Variants in ARID1B observed in about 807,000 individuals in gnomAD.
The protein encoded by ARID1B is AT-rich interaction domain 1B, also known as AT-rich interactive domain-containing protein 1B.
ARID1B carries 30 observed loss-of-function variants against 212.3 expected under a neutral mutation model. That is an observed-to-expected ratio of 0.14 (90% CI 0.11 to 0.19). The LOEUF is 0.19. ARID1B is among the 10% of genes least tolerant of loss of function. ARID1B has a pLI of 1.00. For synonymous variants in ARID1B, 1,402 were observed against 1,301.7 expected, an observed-to-expected ratio of 1.08 and a Z score of -1.66; for missense variants, 2,891 against 3,204.0, an observed-to-expected ratio of 0.90 and a Z score of 2.36.
chr6:156,866,293 A>G (rs539655910), intron 2 of ARID1B, among the ~76,000 whole-genome samples: 6 of 152,118 alleles, frequency 3.9e-5, no homozygotes, highest in Non-Finnish European at 2.9e-5. Context: ...GCCAGGGTGA[A>G]GGAGGAGCTG....
intron 2 of ARID1B, among the ~76,000 whole-genome samples, chr6:156,869,339 A>G (rs1265753626): frequency 6.6e-6 from 1 of 152,196 alleles, no homozygotes; most frequent in Non-Finnish European, 1.5e-5. Flanking sequence ...CTGTTGCCTC[A>G]ACATCTGGCC....
At chr6:156,941,342 C>CA (rs1220089221) in intron 4 of ARID1B, 1 of 152,168 alleles carries the variant, frequency 6.6e-6, no homozygotes, top group East Asian at 1.9e-4. Flanking sequence ...TGCATCGTTT[C>CA]AAAACCAAAG....
rs2128397956 is a variant in ARID1B, at chr6:157,207,427, G to A, written c.6655G>A (p.Val2219Met). ...TAAACTCAGTATCCAGGACAATAAT[G>A]TGGACCTGATCTTGGCCACTCCTCC... ...LCKLSIQDNN[V>M]DLILATPPFS... is the part of the protein sequence containing the mutation. Residue 2219 changes from valine to methionine, a missense_variant, in exon 20 of 20, where the codon GTG (valine) becomes ATG (methionine). Around this residue, in one of 7 missense-constraint regions of ARID1B, gnomAD observed 187 missense variants for 306.5 expected, o/e 0.61. Coordinates refer to ENST00000636930, the MANE Select transcript of ARID1B (RefSeq NM_001374828.1). The surrounding 1 kb of genome is among the most constrained non-coding windows in gnomAD (Gnocchi z 8.5). The A allele has an allele frequency of 6.2e-7, 1 of 1,614,202 alleles. No homozygotes were observed. Among genetic ancestry groups the A allele is most frequent in the Non-Finnish European group, 8.5e-7 (1 of 1,180,044 alleles).
intron 7 of ARID1B, among the ~76,000 whole-genome samples, chr6:157,136,503 T>C (rs1788917807): frequency 6.6e-6 from 1 of 152,118 alleles, no homozygotes; most frequent in African/African-American, 2.4e-5. Flanking sequence ...CCACTAGGGA[T>C]ATAAAACCAA....
chr6:157,076,769 T>G (rs1784338867), intron 4 of ARID1B, among the ~76,000 whole-genome samples: 2 of 152,176 alleles, frequency 1.3e-5, no homozygotes, highest in African/African-American at 4.8e-5. Context: ...GTTTGTCAAT[T>G]TACTTTCAAA....
chr6:156,786,963 T>C (rs1456682240), intron 1 of ARID1B, among the ~76,000 whole-genome samples: 24 of 151,144 alleles, frequency 1.6e-4, no homozygotes, highest in African/African-American at 5.4e-4. Context: ...TTTTTTTTTT[T>C]CCGGTGGGGC....
intron 2 of ARID1B, among the ~76,000 whole-genome samples, chr6:156,880,628 A>G (rs1295370520): frequency 8.6e-5 from 13 of 151,522 alleles, no homozygotes; most frequent in South Asian, 2.1e-4. Context: ...AATCCCAGCT[A>G]CTTGGGAGGC....
At chr6:157,122,541 G>A (rs1005527241) in intron 6 of ARID1B, among the ~76,000 whole-genome samples, 21 of 152,188 alleles carry the variant, frequency 1.4e-4, no homozygotes, top group African/African-American at 3.4e-4. Flanking sequence ...CAAGGGATTC[G>A]CCTCTTAGCA....
chr6:156,935,631 G>T, intron 4 of ARID1B, 55 bp downstream of exon 4: 1 of 1,446,720 alleles, frequency 6.9e-7, no homozygotes, highest in Non-Finnish European at 9.6e-7. Flanking sequence ...CTTTTAGAAA[G>T]AGCTGTTGTT....
intron 4 of ARID1B, among the ~76,000 whole-genome samples, chr6:156,997,836 AT>A (rs1778685652): frequency 6.6e-6 from 1 of 152,194 alleles, no homozygotes; most frequent in African/African-American, 2.4e-5. Context: ...TTTCTGAAAG[AT>A]TTACTGGAAG....
intron 4 of ARID1B, among the ~76,000 whole-genome samples, chr6:157,060,561 C>T (rs1032755500): frequency 2.1e-5 from 3 of 146,324 alleles, no homozygotes; most frequent in Non-Finnish European, 4.5e-5. Context: ...CACAAAGTTT[C>T]AATCTGGTTA....
intron 2 of ARID1B, among the ~76,000 whole-genome samples, chr6:156,839,868 A>G (rs1783771745): frequency 6.6e-6 from 1 of 152,224 alleles, no homozygotes; most frequent in Non-Finnish European, 1.5e-5. Flanking sequence ...AAGGAGCATC[A>G]TGCAGTGTGC....
intron 2 of ARID1B, among the ~76,000 whole-genome samples, chr6:156,858,809 A>C (rs557166898): frequency 1.3e-5 from 2 of 152,136 alleles, no homozygotes; most frequent in Non-Finnish European, 2.9e-5. Context: ...CACATACCCC[A>C]TGAATATGTA....
intron 1 of ARID1B, chr6:156,779,699 G>C (rs1779073154): frequency 5.0e-6 from 1 of 200,346 alleles, no homozygotes; most frequent in Non-Finnish European, 9.2e-6. Context: ...GGCCGGGCCG[G>C]GTGGCTTCTA....
At chr6:156,944,958 T>C (rs1444584049) in intron 4 of ARID1B, among the ~76,000 whole-genome samples, 1 of 149,854 alleles carries the variant, frequency 6.7e-6, no homozygotes, top group Non-Finnish European at 1.5e-5. Flanking sequence ...AGTCTCGCTG[T>C]GTCGCCCAGG....
chr6:157,123,237 C>A (rs1185293204), intron 6 of ARID1B, among the ~76,000 whole-genome samples: 1 of 15,764 alleles, frequency 6.3e-5, no homozygotes, highest in Non-Finnish European at 1.3e-4. Flanking sequence ...CCCCGCCCCC[C>A]GCCCCCCCCC....
rs754483839 is a variant in ARID1B, at chr6:157,210,620, T to A, written c.*2729T>A. 2.8e-4 allele frequency: 65 copies of A among 232,018 alleles called. No individual in the cohort carries two copies. The highest frequency in any genetic ancestry group is 4.8e-4 in the Non-Finnish European group (56 of 117,728). 14.4% of individuals were successfully genotyped at this position (232,018 alleles called of 1,614,324 possible). A position where few individuals can be genotyped will look rare whatever the true frequency, so the allele number is the denominator to read the frequency against. ...ATCATCTTGCCTATAAACTGAGTTATTGCTTTGTCCTAAAAATTAGTCGGT... is the reference window on the plus strand; with the variant it reads ...ATCATCTTGCCTATAAACTGAGTTAATGCTTTGTCCTAAAAATTAGTCGGT... On this transcript the variant is annotated 3_prime_UTR_variant, in exon 20 of 20. Transcript: ENST00000636930.
intron 12 of ARID1B, 111 bp downstream of exon 12, chr6:157,181,289 G>C: frequency 7.3e-7 from 1 of 1,366,584 alleles, no homozygotes; most frequent in African/African-American, 1.5e-5. Context: ...GAAAAGCTAA[G>C]CCTGTGTGAA....
chr6:157,049,829 T>C (rs563972564), intron 4 of ARID1B, among the ~76,000 whole-genome samples: 1 of 152,362 alleles, frequency 6.6e-6, no homozygotes, highest in South Asian at 2.1e-4. Context: ...TCACATTACA[T>C]ATTAAAGCTT....
Sources: gnomAD v4.1 joint callset for allele counts (sites outside exome capture counted in the v4.1 genomes callset) on GRCh38, gnomAD v4.1.1 for gene constraint, gnomAD v4.1.1 regional missense constraint, Gnocchi (gnomAD v3.1) non-coding constraint, MANE v1.5 for transcripts, NCBI Gene and HGNC (gene_info 2026-07-23, HGNC 2026-07-21) for gene names.